Variants in KIAA1217 observed in about 807,000 individuals in gnomAD.
KIAA1217 encodes the protein sickle tail protein homolog.
KIAA1217 carries 88 observed loss-of-function variants against 163.9 expected under a neutral mutation model. The observed-to-expected ratio is 0.54, with a 90% CI of 0.45 to 0.64. The LOEUF is 0.64. Ranked by LOEUF, KIAA1217 falls within the 30% of genes least tolerant of loss-of-function variation. The pLI is 0.00. For synonymous variants in KIAA1217, 903 were observed against 923.1 expected (o/e 0.98, Z 0.39); for missense variants, 2,372 against 2,475.0 (o/e 0.96, Z 0.88).
chr10:23,751,059 G>T (rs1347538756), intron 1 of KIAA1217, among the ~76,000 whole-genome samples: 1 of 144,508 alleles, frequency 6.9e-6, no homozygotes, highest in Non-Finnish European at 1.5e-5. Context: ...ACAGAGCCTT[G>T]TTCTGTCACC....
At chr10:24,322,277 A>C (rs542556300) in intron 2 of KIAA1217, among the ~76,000 whole-genome samples, 167 of 152,212 alleles carry the variant, frequency 1.1e-3, no homozygotes, top group Non-Finnish European at 2.1e-3. Flanking sequence ...TAAAAAAGCA[A>C]ATCTACAGAG....
chr10:23,934,615 A>ATTT (rs1564545910), intron 1 of KIAA1217, among the ~76,000 whole-genome samples: 2 of 68,004 alleles, frequency 2.9e-5, no homozygotes, highest in South Asian at 3.6e-4. Flanking sequence ...ATGTATATAT[A>ATTT]TATATATATA....
Position 23,799,990 on chromosome 10 carries a change from A to T in KIAA1217, c.-321+104756A>T, listed in dbSNP as rs12411773. ...GTGATTTCTTTTGCCTCGCCTGTAT[A>T]ATATTTTTCTGGGAACAATTTTGTT... On this transcript the variant is annotated intron_variant, in intron 1 of 18. Transcript: ENST00000376462. Among the ~76,000 whole-genome samples the T allele has an allele frequency of 7.0e-3, 1,061 of 152,278 alleles. 8 individuals are homozygous for T. Among genetic ancestry groups the T allele is most frequent in the African/African-American group, 0.024 (980 of 41,552 alleles).
In KIAA1217 at chr10:24,546,387, A is replaced by G. The variant is rs2075724918; in HGVS notation, c.*63A>G. On this transcript the variant is annotated 3_prime_UTR_variant, in exon 21 of 21. Transcript: ENST00000376454. ...TAAAAAAAATTAACAGTCTACAACA[A>G]CTGTTTTCACAAGAGAATGTAACAT... 1 of 1,451,262 alleles carries G rather than the reference A, an allele frequency of 6.9e-7. No individual in the cohort carries two copies. Among genetic ancestry groups the G allele is most frequent in the South Asian group, 1.4e-5 (1 of 72,548 alleles). 89.9% of individuals were successfully genotyped at this position (1,451,262 alleles called of 1,614,324 possible). A position where few individuals can be genotyped will look rare whatever the true frequency, so the allele number is the denominator to read the frequency against.
chr10:24,090,717 C>T (rs2061908239), intron 2 of KIAA1217, among the ~76,000 whole-genome samples: 1 of 151,822 alleles, frequency 6.6e-6, no homozygotes, highest in South Asian at 2.1e-4. Context: ...AATCAAGCAA[C>T]AACTTCACAA....
At chr10:24,409,644 C>T (rs1437944493) in intron 3 of KIAA1217, among the ~76,000 whole-genome samples, 1 of 152,196 alleles carries the variant, frequency 6.6e-6, no homozygotes, top group African/African-American at 2.4e-5. Context: ...TATTTGGTTA[C>T]ATGAGTAAGT....
intron 2 of KIAA1217, among the ~76,000 whole-genome samples, chr10:24,240,760 C>A (rs2072974431): frequency 6.6e-6 from 1 of 152,056 alleles, no homozygotes; most frequent in Admixed American, 6.5e-5. Context: ...TTATTGACTG[C>A]TGAAATGGCA....
chr10:24,193,907 G>T (rs2066851790), intron 2 of KIAA1217, among the ~76,000 whole-genome samples: 2 of 147,550 alleles, frequency 1.4e-5, no homozygotes, highest in Non-Finnish European at 1.5e-5. Flanking sequence ...TTTAAAATAG[G>T]CCAGGTGCGG....
At chr10:23,725,926 T>A (rs1838106964) in intron 1 of KIAA1217, among the ~76,000 whole-genome samples, 1 of 152,180 alleles carries the variant, frequency 6.6e-6, no homozygotes, top group Non-Finnish European at 1.5e-5. Flanking sequence ...AAAAAGGTTG[T>A]CTATACCTTA....
chr10:23,799,299 A>G lies in KIAA1217; in HGVS notation c.-321+104065A>G, dbSNP rs892998463. On this transcript the variant is annotated intron_variant, in intron 1 of 18. Transcript: ENST00000376462. ...ACATATAAATTTTGAAGAGGAAACTATTCGACTCCTAACAGACTTGTAAAC... is the reference window on the plus strand; with the variant it reads ...ACATATAAATTTTGAAGAGGAAACTGTTCGACTCCTAACAGACTTGTAAAC... Among the ~76,000 whole-genome samples the G allele has an allele frequency of 3.9e-5, 6 of 152,340 alleles. No homozygotes were observed. In the East Asian group the frequency reaches 1.2e-3, roughly 29 times the overall value.
intron 2 of KIAA1217, among the ~76,000 whole-genome samples, chr10:24,123,134 T>TTGTGTGTGTGTGTGTGTGTG (rs35526705): frequency 1.4e-5 from 2 of 148,068 alleles, no homozygotes; most frequent in African/African-American, 5.0e-5. Context: ...TACTGTGTGT[T>TTGTGTGTGTGTGTGTGTGTG]TGTGTGTGTG....
intron 2 of KIAA1217, among the ~76,000 whole-genome samples, chr10:24,123,134 T>TTGTGTGTGTGTGTG (rs35526705): frequency 4.6e-4 from 68 of 148,168 alleles, no homozygotes; most frequent in African/African-American, 1.6e-3. Flanking sequence ...TACTGTGTGT[T>TTGTGTGTGTGTGTG]TGTGTGTGTG....
intron 1 of KIAA1217, among the ~76,000 whole-genome samples, chr10:23,769,196 T>C (rs1475983829): frequency 4.6e-5 from 7 of 152,028 alleles, no homozygotes; most frequent in Admixed American, 3.3e-4. Flanking sequence ...CGAGTGCTGG[T>C]TGGTTGGGTG....
intron 2 of KIAA1217, chr10:24,158,043 G>A (rs1338809761): frequency 1.3e-6 from 1 of 756,204 alleles, no homozygotes; most frequent in Non-Finnish European, 2.5e-6. Flanking sequence ...CTTGCAGGTG[G>A]GTCACCACCA....
chr10:23,840,199 A>G (rs1838703263), intron 1 of KIAA1217, among the ~76,000 whole-genome samples: 1 of 150,706 alleles, frequency 6.6e-6, no homozygotes, highest in East Asian at 1.9e-4. Context: ...CTTGTTGCCT[A>G]GGCTGGAGTG....
intron 1 of KIAA1217, among the ~76,000 whole-genome samples, chr10:23,808,226 G>A (rs1388246826): frequency 6.6e-6 from 1 of 152,176 alleles, no homozygotes; most frequent in Non-Finnish European, 1.5e-5. Flanking sequence ...CTCTTCCTAA[G>A]AGAACTTGAA....
At chr10:23,754,530 G>A (rs998949475) in intron 1 of KIAA1217, among the ~76,000 whole-genome samples, 12 of 152,184 alleles carry the variant, frequency 7.9e-5, no homozygotes, top group African/African-American at 2.9e-4. Flanking sequence ...GACGAATATT[G>A]TTGGATCTTC....
chr10:23,993,185 C>T (rs1259471283), intron 1 of KIAA1217, among the ~76,000 whole-genome samples: 3 of 151,902 alleles, frequency 2.0e-5, no homozygotes, highest in Non-Finnish European at 2.9e-5. Context: ...GCACCAGCCA[C>T]CACACCCGGC....
At chr10:24,317,967 TGG>T (rs2043616179) in intron 2 of KIAA1217, among the ~76,000 whole-genome samples, 1 of 151,952 alleles carries the variant, frequency 6.6e-6, no homozygotes, top group South Asian at 2.1e-4. Flanking sequence ...AACCCCTGAC[TGG>T]GTATTGCTGT....
Sources: allele counts gnomAD v4.1 joint callset (sites outside exome capture counted in the v4.1 genomes callset), GRCh38; gene constraint gnomAD v4.1.1; transcripts MANE v1.5; gene names NCBI Gene and HGNC (gene_info 2026-07-23, HGNC 2026-07-21).